The following PSMA1 variants were observed in gnomAD, a reference collection of about 807,000 sequenced individuals.
PSMA1 encodes the protein proteasome 20S subunit alpha 1.
Under a neutral mutation model 38.4 loss-of-function variants are expected in PSMA1, and 3 were observed. That is an observed-to-expected ratio of 0.08 (90% CI 0.04 to 0.20). The LOEUF (loss-of-function observed/expected upper bound fraction) is 0.20, where lower values mean the gene tolerates loss of function less well. Ranked by LOEUF, PSMA1 falls within the 10% of genes least tolerant of loss-of-function variation. The pLI is 1.00. For synonymous variants in PSMA1, 101 were observed against 107.1 expected (o/e 0.94, Z 0.35); for missense variants, 227 against 325.3 (o/e 0.70, Z 2.32).
At chr11:14,540,553 G>C (rs1267732446) in intron 2 of PSMA1, among the ~76,000 whole-genome samples, 2 of 152,122 alleles carry the variant, frequency 1.3e-5, no homozygotes, top group East Asian at 1.9e-4. Context: ...GCTGATACCT[G>C]ATGGATTGCA....
intron 1 of PSMA1, among the ~76,000 whole-genome samples, chr11:14,622,104 G>A (rs1852853650): frequency 1.3e-5 from 2 of 152,158 alleles, no homozygotes; most frequent in South Asian, 4.1e-4. Flanking sequence ...GTAAGACTGG[G>A]TACCTATGCA....
chr11:14,547,192 C>T (rs377392324), intron 2 of PSMA1, among the ~76,000 whole-genome samples: 1 of 152,186 alleles, frequency 6.6e-6, no homozygotes, highest in African/African-American at 2.4e-5. Context: ...CTCCTCTGAA[C>T]TTTGCCTTCT....
chr11:14,586,779 T>G (rs1852351282), intron 2 of PSMA1, among the ~76,000 whole-genome samples: 1 of 152,058 alleles, frequency 6.6e-6, no homozygotes, highest in Non-Finnish European at 1.5e-5. Context: ...TCTTTTTTTT[T>G]TAGATGGAGT....
chr11:14,596,237 G>T (rs1173566393), intron 2 of PSMA1, among the ~76,000 whole-genome samples: 1 of 152,020 alleles, frequency 6.6e-6, no homozygotes, highest in East Asian at 1.9e-4. Flanking sequence ...GCTCTTTTTT[G>T]GTTCCATATG....
chr11:14,598,391 G>A (rs1238556647), intron 2 of PSMA1, among the ~76,000 whole-genome samples: 1 of 152,124 alleles, frequency 6.6e-6, no homozygotes, highest in East Asian at 1.9e-4. Context: ...AAGTCTCTTT[G>A]TAGGTCTCTA....
At chr11:14,546,448 T>C (rs1052990700) in intron 2 of PSMA1, among the ~76,000 whole-genome samples, 1 of 152,146 alleles carries the variant, frequency 6.6e-6, no homozygotes, top group African/African-American at 2.4e-5. Context: ...TGTGGCTTTT[T>C]TTCCCCCCAG....
chr11:14,517,808 T>A, intron 3 of PSMA1, 63 bp from the exon 4 acceptor site: 2 of 1,525,862 alleles, frequency 1.3e-6, no homozygotes, highest in Non-Finnish European at 1.8e-6. Context: ...AAAATAAGTT[T>A]ACAACCTTAT....
intron 2 of PSMA1, among the ~76,000 whole-genome samples, chr11:14,585,802 A>T (rs1852339077): frequency 6.6e-6 from 1 of 152,140 alleles, no homozygotes; most frequent in East Asian, 1.9e-4. Context: ...ATCTATCCAG[A>T]GAGCTCTTGA....
rs76087723 is a variant in PSMA1 at position 14,532,248 on chromosome 11, G to A, written c.22-13207C>T. Among the ~76,000 whole-genome samples the A allele has an allele frequency of 7.7e-3, 1,175 of 151,982 alleles. 12 individuals are homozygous for A. The highest frequency in any genetic ancestry group is 0.027 in the African/African-American group (1,100 of 41,434). The stretch of plus-strand genomic sequence containing the variant: ...ATTATCTATGCCCTTCCCTATTTTC[G>A]ACCTGTTCAAATATATAGGAAAAAC... On this transcript the variant is annotated intron_variant, in intron 2 of 10. Transcript: ENST00000418988.
intron 2 of PSMA1, among the ~76,000 whole-genome samples, chr11:14,603,663 G>A (rs1015359527): frequency 3.3e-5 from 5 of 152,180 alleles, no homozygotes; most frequent in African/African-American, 4.8e-5. Context: ...GACAAAGATG[G>A]AAATTATTAG....
intron 2 of PSMA1, among the ~76,000 whole-genome samples, chr11:14,573,877 C>T (rs1380351635): frequency 2.6e-5 from 4 of 152,094 alleles, no homozygotes; most frequent in Non-Finnish European, 2.9e-5. Context: ...AAGAGCCTGG[C>T]GGTAGTGTGC....
At chr11:14,634,523 T>C (rs1853087338) in intron 1 of PSMA1, among the ~76,000 whole-genome samples, 2 of 152,198 alleles carry the variant, frequency 1.3e-5, no homozygotes, top group Admixed American at 1.3e-4. Flanking sequence ...TTAAGTGATT[T>C]TTGTAGAGAC....
intron 1 of PSMA1, among the ~76,000 whole-genome samples, chr11:14,626,700 T>G (rs1342854223): frequency 6.6e-6 from 1 of 152,208 alleles, no homozygotes; most frequent in African/African-American, 2.4e-5. Flanking sequence ...AGTTCAAGTG[T>G]AACAGAGCAC....
At position 14,616,473 on chromosome 11, in the gene PSMA1, C is replaced by T. The variant is rs561931479; in HGVS notation, c.-165-5322G>A. Among the ~76,000 whole-genome samples the T allele has an allele frequency of 5.9e-4, 90 of 152,208 alleles. 2 individuals are homozygous for T. In the South Asian group the frequency reaches 0.018, roughly 30 times the overall value. On this transcript the variant is annotated intron_variant, in intron 1 of 10. Transcript: ENST00000418988. ...GTCTCGAACTCCTGACCCAAATGAT[C>T]TGCCTGCCTCGGCCTTCCAAAGTGC...
At chr11:14,567,003 CA>C (rs1472311644) in intron 2 of PSMA1, among the ~76,000 whole-genome samples, 1 of 152,160 alleles carries the variant, frequency 6.6e-6, no homozygotes, top group Non-Finnish European at 1.5e-5. Context: ...AGGCTGGAAT[CA>C]GTGCCATGGA....
At chr11:14,574,622 C>T (rs947010419) in intron 2 of PSMA1, among the ~76,000 whole-genome samples, 2 of 152,066 alleles carry the variant, frequency 1.3e-5, no homozygotes, top group Non-Finnish European at 2.9e-5. Context: ...ACCCCCATCT[C>T]CTGATTGTGA....
chr11:14,537,186 A>C lies in PSMA1; in HGVS notation c.22-18145T>G, dbSNP rs1851718569. Among the ~76,000 whole-genome samples, 5 of 152,190 alleles carry C rather than the reference A, an allele frequency of 3.3e-5. No individual in the cohort carries two copies. The South Asian group carries it at 1.0e-3, about 32-fold the overall frequency. On this transcript the variant is annotated intron_variant, in intron 2 of 10. Coordinates refer to the PSMA1 transcript ENST00000418988. ...TCCTTTAAAACTAATGTTTTCTAGA[A>C]TTTCAGTGGCAAACTAAGTGCGCAG...
intron 1 of PSMA1, among the ~76,000 whole-genome samples, chr11:14,626,956 G>C (rs957103360): frequency 6.6e-6 from 1 of 152,166 alleles, no homozygotes; most frequent in African/African-American, 2.4e-5. Flanking sequence ...AGAAAGTCTA[G>C]AAGTTCAAGA....
intron 7 of PSMA1, among the ~76,000 whole-genome samples, chr11:14,512,277 G>A (rs1851357030): frequency 6.6e-6 from 1 of 152,100 alleles, no homozygotes; most frequent in African/African-American, 2.4e-5. Context: ...AGGAGGCTGA[G>A]GCAGGAGAAT....
Sources: allele counts gnomAD v4.1 joint callset (sites outside exome capture counted in the v4.1 genomes callset), GRCh38; gene constraint gnomAD v4.1.1; transcripts MANE v1.5; gene names NCBI Gene and HGNC (gene_info 2026-07-23, HGNC 2026-07-21).